SEMA5A: variants seen among roughly 807,000 people sequenced by gnomAD.
The protein encoded by SEMA5A is semaphorin 5A, also known as semaphorin-5A.
SEMA5A carries 55 observed loss-of-function variants against 135.5 expected under a neutral mutation model. The ratio of observed to expected loss-of-function variants is 0.41; its 90% CI spans 0.33 to 0.51. The LOEUF is 0.51. Ranked by LOEUF, SEMA5A falls within the 20% of genes least tolerant of loss-of-function variation. The pLI, the probability that SEMA5A is intolerant of heterozygous loss-of-function variation, is 0.37. For missense variants in SEMA5A, 1,290 were observed against 1,419.9 expected (o/e 0.91, Z 1.47); for synonymous variants, 580 against 546.5 (o/e 1.06, Z -0.85).
chr5:9,297,720 ATTTT>A (rs70943952), intron 5 of SEMA5A, among the ~76,000 whole-genome samples: 1 of 144,098 alleles, frequency 6.9e-6, no homozygotes, highest in African/African-American at 2.6e-5. Context: ...ATGTCAAGCT[ATTTT>A]TTTTTTTTTG....
rs138480235 is a variant in SEMA5A at position 9,460,478 on chromosome 5, T to G, written c.-174-22626A>C. Among the ~76,000 whole-genome samples the G allele has an allele frequency of 3.9e-5, 6 of 152,252 alleles. No homozygotes were observed. In the East Asian group the frequency reaches 1.2e-3, roughly 29 times the overall value. ...TATTTTTAAAATCATATTTATGAAT[T>G]AATTTAAACATAATTAGTATAAGTA... On this transcript the variant is annotated intron_variant, in intron 1 of 22. Coordinates refer to ENST00000382496, the MANE Select transcript of SEMA5A (RefSeq NM_003966.3).
intron 2 of SEMA5A, among the ~76,000 whole-genome samples, chr5:9,388,417 AG>A (rs922192508): frequency 6.6e-6 from 1 of 151,974 alleles, no homozygotes; most frequent in African/African-American, 2.4e-5. Flanking sequence ...ACTAAGTGAA[AG>A]TTCATTCAAT....
At chr5:9,317,368 G>A (rs1378330004) in intron 5 of SEMA5A, among the ~76,000 whole-genome samples, 1 of 152,018 alleles carries the variant, frequency 6.6e-6, no homozygotes, top group East Asian at 1.9e-4. Flanking sequence ...GCAGTGATTT[G>A]TGACCATTTC....
At chr5:9,227,137 A>G (rs1307125303) in intron 6 of SEMA5A, among the ~76,000 whole-genome samples, 170 bp from the exon 7 acceptor site, 13 of 152,188 alleles carry the variant, frequency 8.5e-5, no homozygotes, top group Admixed American at 8.5e-4. Context: ...TAAACCTTTC[A>G]GATATTGACC....
At chr5:9,259,381 C>T (rs1749276476) in intron 5 of SEMA5A, among the ~76,000 whole-genome samples, 1 of 151,840 alleles carries the variant, frequency 6.6e-6, no homozygotes, top group Non-Finnish European at 1.5e-5. Flanking sequence ...GATTCTTAAT[C>T]CTGAGTTCTA....
intron 1 of SEMA5A, among the ~76,000 whole-genome samples, chr5:9,451,332 A>C (rs1441585354): frequency 6.6e-6 from 1 of 152,244 alleles, no homozygotes; most frequent in African/African-American, 2.4e-5. Context: ...TTCAAATGGA[A>C]AGCTGGCAGC....
At chr5:9,193,901 A>G (rs558053795) in intron 10 of SEMA5A, among the ~76,000 whole-genome samples, 1 of 152,304 alleles carries the variant, frequency 6.6e-6, no homozygotes, top group African/African-American at 2.4e-5. Context: ...TGTCTCAAAA[A>G]CAAAACAAAA....
chr5:9,111,200 C>G (rs1218794518), intron 15 of SEMA5A, among the ~76,000 whole-genome samples: 3 of 152,144 alleles, frequency 2.0e-5, no homozygotes, highest in Admixed American at 6.5e-5. Flanking sequence ...ATCTCCATTT[C>G]TAAGCTGATT....
At chr5:9,435,011 C>T (rs1310754210) in intron 2 of SEMA5A, among the ~76,000 whole-genome samples, 1 of 152,108 alleles carries the variant, frequency 6.6e-6, no homozygotes, top group African/African-American at 2.4e-5. Flanking sequence ...CTTTAAGTAT[C>T]AGAAGTATCC....
chr5:9,476,945 G>T (rs2126768237), intron 1 of SEMA5A, among the ~76,000 whole-genome samples: 1 of 152,086 alleles, frequency 6.6e-6, no homozygotes, highest in East Asian at 1.9e-4. Context: ...GCCATGCATG[G>T]TAATATGATT....
intron 16 of SEMA5A, among the ~76,000 whole-genome samples, chr5:9,085,421 A>G (rs908080950): frequency 1.3e-5 from 2 of 152,124 alleles, no homozygotes; most frequent in African/African-American, 4.8e-5. Flanking sequence ...TGTGCAGCCT[A>G]AGGACTCGGT....
chr5:9,053,181 C>T (rs1736687977), intron 19 of SEMA5A, among the ~76,000 whole-genome samples: 1 of 152,158 alleles, frequency 6.6e-6, no homozygotes, highest in Non-Finnish European at 1.5e-5. Context: ...GTAAACCAAG[C>T]TATTTCTGGG....
At chr5:9,335,311 A>G (rs947212302) in intron 4 of SEMA5A, among the ~76,000 whole-genome samples, 1 of 152,196 alleles carries the variant, frequency 6.6e-6, no homozygotes, top group African/African-American at 2.4e-5. Flanking sequence ...ACCTCCTGGG[A>G]CAGGTACCCC....
At chr5:9,245,556 T>C (rs1341953255) in intron 5 of SEMA5A, among the ~76,000 whole-genome samples, 3 of 152,282 alleles carry the variant, frequency 2.0e-5, no homozygotes, top group African/African-American at 7.2e-5. Flanking sequence ...TTAATAGTTA[T>C]AAATAAGACC....
At chr5:9,117,456 T>C (rs1740579115) in intron 15 of SEMA5A, among the ~76,000 whole-genome samples, 1 of 152,244 alleles carries the variant, frequency 6.6e-6, no homozygotes, top group South Asian at 2.1e-4. Context: ...TATTGGTGTA[T>C]ATATAATGAG....
rs1324134443 is a variant in SEMA5A, at chr5:9,204,541, T to C, written c.647-2301A>G. On this transcript the variant is annotated intron_variant, in intron 8 of 22. Coordinates refer to ENST00000382496, the MANE Select transcript of SEMA5A (RefSeq NM_003966.3). This position sits in a 1 kb window ranked among gnomAD's most constrained non-coding sequence, Gnocchi z 6.4. ...TAGAATGCTAAGTCTTGTGCCAAGA[T>C]CTGTGCTTGGTGCTTTATATCCCCA... 2.0e-5 allele frequency among the ~76,000 whole-genome samples: 3 copies of C among 152,226 alleles called. No individual in the cohort carries two copies. Among genetic ancestry groups the C allele is most frequent in the Non-Finnish European group, 4.4e-5 (3 of 68,038 alleles).
At chr5:9,207,880 GATAGATAGATAGATAGATAC>G (rs1175339658) in intron 8 of SEMA5A, among the ~76,000 whole-genome samples, 2,441 of 45,900 alleles carry the variant, frequency 0.053, 20 homozygotes, top group African/African-American at 0.083. Flanking sequence ...TAGATAGATA[GATAGATAGATAGATAGATAC>G]ATAGATAGAT....
intron 16 of SEMA5A, among the ~76,000 whole-genome samples, chr5:9,072,472 C>G (rs2150084523): frequency 6.6e-6 from 1 of 152,224 alleles, no homozygotes; most frequent in African/African-American, 2.4e-5. Context: ...AAAAAATCAG[C>G]AAGTTCATGT....
rs1735591345 is a variant in SEMA5A at position 9,035,375 on chromosome 5, G to C, written c.*7522C>G. 6.6e-6 allele frequency: 1 copy of C among 152,118 alleles called. No homozygotes were observed. The highest frequency in any genetic ancestry group is 1.5e-5 in the Non-Finnish European group (1 of 68,014). The allele number at this position is 152,118 out of a possible 1,614,324, so 9.4% of individuals were successfully genotyped here. ...GCTATATATTTTTTCTTATAAACGT[G>C]TTTGTTTCTCAAAGCTGAGGCTTGG... On this transcript the variant is annotated 3_prime_UTR_variant, in exon 23 of 23. Transcript: ENST00000382496.
Sources: allele counts gnomAD v4.1 joint callset (sites outside exome capture counted in the v4.1 genomes callset), GRCh38; gene constraint gnomAD v4.1.1; non-coding constraint Gnocchi (gnomAD v3.1); transcripts MANE v1.5; gene names NCBI Gene and HGNC (gene_info 2026-07-23, HGNC 2026-07-21).